Variants in MORF4L1 observed in about 807,000 individuals in gnomAD.
MORF4L1 encodes mortality factor 4-like protein 1.
In MORF4L1, 4 loss-of-function variants were observed where a neutral mutation model predicts 52.9. That is an observed-to-expected ratio of 0.08 (90% CI 0.04 to 0.17). MORF4L1 has a LOEUF of 0.17. MORF4L1 is among the 10% of genes least tolerant of loss of function. The pLI is 1.00. For synonymous variants in MORF4L1, 123 were observed against 134.8 expected, an observed-to-expected ratio of 0.91 and a Z score of 0.61; for missense variants, 214 against 390.4, an observed-to-expected ratio of 0.55 and a Z score of 3.81.
chr15:78,894,204 G>T lies in MORF4L1; in HGVS notation c.776G>T (p.Gly259Val). The stretch of plus-strand genomic sequence containing the variant: ...GATGCACCCATGTCCCAGGTGTATG[G>T]AGCGCCACATCTCCTGAGATTATTT... ...HPDAPMSQVY[G>V]APHLLRLFVR... Residue 259 changes from glycine to valine, a missense_variant, in exon 10 of 12, where the codon GGA (glycine) becomes GTA (valine). Physicochemically the swap from Gly to Val is moderately radical, Grantham distance 109 (BLOSUM62 -3). This residue lies in a region of MORF4L1 where 68 missense variants were observed against 171.6 expected (regional missense o/e 0.40). Coordinates refer to ENST00000426013, the MANE Select transcript of MORF4L1 (RefSeq NM_006791.4). 1 of 1,611,934 alleles carries T rather than the reference G, an allele frequency of 6.2e-7. No homozygotes were observed. Among genetic ancestry groups the T allele is most frequent in the Non-Finnish European group, 8.5e-7 (1 of 1,179,318 alleles).
intron 1 of MORF4L1, among the ~76,000 whole-genome samples, chr15:78,874,661 T>C (rs1299784291): frequency 6.9e-6 from 1 of 145,092 alleles, no homozygotes; most frequent in Non-Finnish European, 1.5e-5. Flanking sequence ...CTCCTGGGCT[T>C]GAGCGATCCA....
chr15:78,888,966 A>C (rs1348647833), intron 5 of MORF4L1, among the ~76,000 whole-genome samples: 1 of 152,204 alleles, frequency 6.6e-6, no homozygotes, highest in Admixed American at 6.5e-5. Flanking sequence ...AAAAGGCAGT[A>C]ATTTTCTCTA....
chr15:78,882,881 G>A (rs2141466841), intron 3 of MORF4L1, among the ~76,000 whole-genome samples: 1 of 152,136 alleles, frequency 6.6e-6, no homozygotes, highest in East Asian at 1.9e-4. Context: ...GGCAACATAG[G>A]TAGACACCCC....
In MORF4L1 at chr15:78,878,229, C is replaced by T; in HGVS notation, c.57C>T (p.Cys19=). 1 of 1,611,666 alleles carries T rather than the reference C, an allele frequency of 6.2e-7. No homozygotes were observed. Among genetic ancestry groups the T allele is most frequent in the Middle Eastern group, 1.9e-4 (1 of 5,272 alleles). The change falls in exon 2 of 12, where the codon TGC becomes TGT. Residue 19 remains cysteine, a synonymous_variant. Transcript: ENST00000426013. ...PKFQEGERVL[C]FHGPLLYEAK... Reference sequence around the variant, plus strand: ...CCTTTACAGGTGAGCGAGTGCTGTGCTTTCATGGGCCTCTTCTTTATGAAG... The same window carrying T: ...CCTTTACAGGTGAGCGAGTGCTGTGTTTTCATGGGCCTCTTCTTTATGAAG...
intron 3 of MORF4L1, among the ~76,000 whole-genome samples, chr15:78,884,782 C>G (rs754789062): frequency 4.6e-5 from 7 of 151,724 alleles, no homozygotes; most frequent in Non-Finnish European, 7.4e-5. Context: ...TTGGAATTCT[C>G]TTAAACTTCA....
chr15:78,894,845 T>C lies in MORF4L1; in HGVS notation c.828T>C (p.Tyr276=), dbSNP rs755512670. The change falls in exon 11 of 12, where the codon TAT becomes TAC. Residue 276 remains tyrosine (Y), a synonymous_variant. Transcript: ENST00000426013. ...LFVRIGAMLA[Y]TPLDEKSLAL... ...TACGAATTGGAGCAATGTTGGCTTA[T>C]ACACCTCTGGATGAGAAGAGCCTTG... is the stretch of plus-strand genomic sequence containing the variant. 4.3e-6 allele frequency: 7 copies of C among 1,613,776 alleles called. No homozygotes were observed. Among genetic ancestry groups the C allele is most frequent in the South Asian group, 3.3e-5 (3 of 91,064 alleles).
Position 78,893,417 on chromosome 15 carries a change from T to C in MORF4L1, c.541-122T>C, listed in dbSNP as rs1033295948. 4.4e-6 allele frequency: 3 copies of C among 676,952 alleles called. No individual in the cohort carries two copies. The East Asian group carries it at 8.2e-5, about 19-fold the overall frequency. 41.9% of individuals were successfully genotyped at this position (676,952 alleles called of 1,614,324 possible). A position where few individuals can be genotyped will look rare whatever the true frequency, so the allele number is the denominator to read the frequency against. ...CATTATCCATGTTTTAAGTGCTGAATAGTATCTTTCCTAATTTGAAATACT... is the reference window on the plus strand; with the variant it reads ...CATTATCCATGTTTTAAGTGCTGAACAGTATCTTTCCTAATTTGAAATACT... On this transcript the variant is annotated intron_variant, in intron 8 of 11. Transcript: ENST00000426013.
At position 78,898,079 on chromosome 15, in the gene MORF4L1, T is replaced by A. The variant is rs2056918805; in HGVS notation, c.*1012T>A. 1 of 152,182 alleles carries A rather than the reference T, an allele frequency of 6.6e-6. No individual in the cohort carries two copies. Among genetic ancestry groups the A allele is most frequent in the Non-Finnish European group, 1.5e-5 (1 of 68,022 alleles). 9.4% of individuals were successfully genotyped at this position (152,182 alleles called of 1,614,324 possible). A position where few individuals can be genotyped will look rare whatever the true frequency, so the allele number is the denominator to read the frequency against. On this transcript the variant is annotated 3_prime_UTR_variant, in exon 12 of 12. Transcript: ENST00000426013. ...CTTTTGTGGGTTTACTCTAGAAACA[T>A]GAGCCAAAAATGTCAATAGACAACA...
chr15:78,890,401 C>T (rs1258228699), intron 5 of MORF4L1, among the ~76,000 whole-genome samples: 6 of 150,838 alleles, frequency 4.0e-5, no homozygotes, highest in Admixed American at 1.3e-4. Context: ...TTTGGTGGGC[C>T]TAATAATGTA....
At chr15:78,880,425 G>A (rs1485919929) in intron 2 of MORF4L1, 87 bp from the exon 3 acceptor site, 1 of 922,578 alleles carries the variant, frequency 1.1e-6, no homozygotes, top group Non-Finnish European at 1.7e-6. Context: ...CATAAAGCTT[G>A]TGTAGAGTGT....
chr15:78,886,813 G>A lies in MORF4L1; in HGVS notation c.243-456G>A, dbSNP rs1028346820. On this transcript the variant is annotated intron_variant, in intron 4 of 11. Coordinates refer to ENST00000426013, the MANE Select transcript of MORF4L1 (RefSeq NM_006791.4). ...TACTAAAAATTCAAAAAATTAGCCG[G>A]GCATGGTGGCGGGCGCCTGTAGTCC... 2.6e-5 allele frequency among the ~76,000 whole-genome samples: 4 copies of A among 152,082 alleles called. 1 individual carries two copies. The South Asian group carries it at 8.3e-4, about 32-fold the overall frequency.
chr15:78,881,512 T>C (rs993489252), intron 3 of MORF4L1, among the ~76,000 whole-genome samples: 2 of 151,900 alleles, frequency 1.3e-5, no homozygotes, highest in Non-Finnish European at 2.9e-5. Flanking sequence ...TGTGTGTGTG[T>C]GTATGTAAAG....
chr15:78,873,841 T>TGA (rs1320973603), intron 1 of MORF4L1: 1 of 152,276 alleles, frequency 6.6e-6, no homozygotes, highest in African/African-American at 2.4e-5. Flanking sequence ...TATGGTAATG[T>TGA]GAGTGAGCTC....
intron 4 of MORF4L1, among the ~76,000 whole-genome samples, 184 bp from the exon 5 acceptor site, chr15:78,887,085 T>C (rs1162687624): frequency 1.3e-5 from 2 of 152,242 alleles, no homozygotes; most frequent in Non-Finnish European, 2.9e-5. Context: ...ATTACATTGA[T>C]TTTAATTGAG....
At chr15:78,884,988 C>T in intron 3 of MORF4L1, 4 of 1,614,006 alleles carry the variant, frequency 2.5e-6, no homozygotes, top group Non-Finnish European at 3.4e-6. Flanking sequence ...GGCCCAGGCG[C>T]TCTGAAAAAT....
chr15:78,885,119 A>G (rs1294273712), intron 3 of MORF4L1: 1 of 1,463,416 alleles, frequency 6.8e-7, no homozygotes, highest in Non-Finnish European at 9.5e-7. Flanking sequence ...CTAGGAAATC[A>G]TGTTCAGGAT....
chr15:78,876,300 A>G (rs1567298213), intron 1 of MORF4L1, among the ~76,000 whole-genome samples: 1 of 152,110 alleles, frequency 6.6e-6, no homozygotes, highest in Admixed American at 6.5e-5. Context: ...TAAACTTATA[A>G]AAAAGTTTTT....
At chr15:78,894,022 T>C in intron 9 of MORF4L1, 36 bp from the exon 10 acceptor site, 2 of 1,563,448 alleles carry the variant, frequency 1.3e-6, no homozygotes, top group Non-Finnish European at 1.7e-6. Context: ...GTTATTTTTA[T>C]TGACCAGTTT....
rs374781384 is a variant in MORF4L1 at position 78,897,110 on chromosome 15, T to C, written c.*43T>C. 2.1e-4 allele frequency: 303 copies of C among 1,469,398 alleles called. 2 individuals are homozygous for C. The Middle Eastern group carries it at 2.4e-3, about 12-fold the overall frequency. 91.0% of individuals were successfully genotyped at this position (1,469,398 alleles called of 1,614,324 possible). ...TTATGTTTGGATCTCCGTAAACACA[T>C]TTTTGTTCTTAGTCTATCTCTTGTA... On this transcript the variant is annotated 3_prime_UTR_variant, in exon 12 of 12. Coordinates refer to ENST00000426013, the MANE Select transcript of MORF4L1 (RefSeq NM_006791.4).
Sources: allele counts gnomAD v4.1 joint callset (sites outside exome capture counted in the v4.1 genomes callset), GRCh38; gene constraint gnomAD v4.1.1; regional missense constraint gnomAD v4.1.1; transcripts MANE v1.5; gene names NCBI Gene and HGNC (gene_info 2026-07-23, HGNC 2026-07-21).